KSR2: variants seen among roughly 807,000 people sequenced by gnomAD.
The protein encoded by KSR2 is kinase suppressor of ras 2.
Under a neutral mutation model 107.8 loss-of-function variants are expected in KSR2, and 25 were observed. The ratio of observed to expected loss-of-function variants is 0.23; its 90% confidence interval spans 0.17 to 0.32. The LOEUF is 0.32. Among genes scored for constraint, KSR2 ranks in the 10% least tolerant of loss-of-function variants. KSR2 has a pLI of 1.00. For synonymous variants in KSR2, 480 were observed against 507.0 expected, an observed-to-expected ratio of 0.95 and a Z score of 0.71; for missense variants, 887 against 1,268.9, an observed-to-expected ratio of 0.70 and a Z score of 4.57.
chr12:117,726,791 C>A (rs1887441430), intron 4 of KSR2, among the ~76,000 whole-genome samples: 1 of 152,164 alleles, frequency 6.6e-6, no homozygotes, highest in Non-Finnish European at 1.5e-5. Context: ...CCTAGGGATT[C>A]TCCTAGTAGC....
At chr12:117,888,683 C>G (rs1378135262) in intron 1 of KSR2, among the ~76,000 whole-genome samples, 1 of 152,224 alleles carries the variant, frequency 6.6e-6, no homozygotes, top group Admixed American at 6.5e-5. Context: ...AACCTGGAAC[C>G]TGACCATGCT....
chr12:117,537,072 G>T (rs1464217053), intron 10 of KSR2, among the ~76,000 whole-genome samples: 2 of 152,152 alleles, frequency 1.3e-5, no homozygotes, highest in African/African-American at 4.8e-5. Flanking sequence ...TATTAGCTGA[G>T]TGTGGTGGTG....
At chr12:117,519,694 G>A (rs1279440236) in intron 14 of KSR2, among the ~76,000 whole-genome samples, 3 of 151,962 alleles carry the variant, frequency 2.0e-5, no homozygotes, top group Non-Finnish European at 4.4e-5. Flanking sequence ...TTTCTTTGAG[G>A]GGATGTGGGA....
chr12:117,915,805 AT>A (rs1895154401), intron 1 of KSR2, among the ~76,000 whole-genome samples: 1 of 152,154 alleles, frequency 6.6e-6, no homozygotes, highest in Admixed American at 6.6e-5. Context: ...TTTTTTAAAA[AT>A]TTTAAAAGTT....
At chr12:117,531,579 A>G (rs1875635357) in intron 11 of KSR2, 87 bp downstream of exon 11, 1 of 1,164,278 alleles carries the variant, frequency 8.6e-7, no homozygotes, top group South Asian at 1.3e-5. Flanking sequence ...GCACCCCCAC[A>G]ACATCTGCCT....
At chr12:117,617,694 G>A (rs1209660549) in intron 5 of KSR2, among the ~76,000 whole-genome samples, 1 of 152,224 alleles carries the variant, frequency 6.6e-6, no homozygotes, top group Non-Finnish European at 1.5e-5. Context: ...GGTCTAGGAG[G>A]ATGAAGTGAT....
rs35130903 is a variant in KSR2, at chr12:117,573,524, C to CTTT, written c.1325+5592_1325+5594dup. 1.6e-3 allele frequency among the ~76,000 whole-genome samples: 176 copies of CTTT among 108,298 alleles called. 4 individuals are homozygous for CTTT. The highest frequency in any genetic ancestry group is 3.7e-3 in the African/African-American group (99 of 26,858). The allele number at this position is 108,298 out of a possible 152,430, so 71.0% of individuals were successfully genotyped here. ...AGCCTGTGTTCCTATCACATGTTAT[C>CTTT]TTTTTTTTTTTTTTTTTTTTTGAGA... On this transcript the variant is annotated intron_variant, in intron 7 of 19. Coordinates refer to ENST00000339824, the MANE Select transcript of KSR2 (RefSeq NM_173598.6).
Position 117,525,235 on chromosome 12 carries a change from G to T in KSR2, c.1852-16C>A. 6.4e-7 allele frequency: 1 copy of T among 1,569,334 alleles called. No homozygotes were observed. Among genetic ancestry groups the T allele is most frequent in the Non-Finnish European group, 8.7e-7 (1 of 1,154,316 alleles). Reference sequence around the variant, plus strand: ...CCTCTTCATTCTGTGGCCGGAGTGGGAGAGAGGTCAGAATTGTGTCTGCCA... The same window carrying T: ...CCTCTTCATTCTGTGGCCGGAGTGGTAGAGAGGTCAGAATTGTGTCTGCCA... On this transcript the variant is annotated splice_polypyrimidine_tract_variant and intron_variant, in intron 13 of 19. Coordinates refer to ENST00000339824, the MANE Select transcript of KSR2 (RefSeq NM_173598.6).
intron 4 of KSR2, among the ~76,000 whole-genome samples, chr12:117,753,918 T>A (rs964990467): frequency 4.0e-5 from 6 of 149,982 alleles, no homozygotes; most frequent in Non-Finnish European, 5.9e-5. Flanking sequence ...CAATAATCAA[T>A]CATTACTTTT....
chr12:117,506,837 ATATG>A (rs1041575991), intron 14 of KSR2, among the ~76,000 whole-genome samples: 1 of 152,120 alleles, frequency 6.6e-6, no homozygotes, highest in Non-Finnish European at 1.5e-5. Context: ...ATTTATTTAT[ATATG>A]TATGTGTGTG....
chr12:117,852,341 C>T (rs1892957270), intron 3 of KSR2, among the ~76,000 whole-genome samples: 1 of 151,812 alleles, frequency 6.6e-6, no homozygotes, highest in Non-Finnish European at 1.5e-5. Flanking sequence ...GGCAGGAGAA[C>T]TGTTTGAACC....
intron 1 of KSR2, among the ~76,000 whole-genome samples, chr12:117,875,779 G>C (rs1233897659): frequency 6.6e-6 from 1 of 151,978 alleles, no homozygotes. Context: ...CCACCATCAC[G>C]CCGCCCTGCT....
At chr12:117,732,572 G>A (rs1887775406) in intron 4 of KSR2, among the ~76,000 whole-genome samples, 1 of 152,154 alleles carries the variant, frequency 6.6e-6, no homozygotes, top group Admixed American at 6.5e-5. Context: ...TTACAGGTGT[G>A]AGCCACAGCG....
intron 5 of KSR2, among the ~76,000 whole-genome samples, chr12:117,618,690 C>T (rs1882012317): frequency 6.6e-6 from 1 of 151,998 alleles, no homozygotes; most frequent in Admixed American, 6.6e-5. Context: ...AGGGAAAACC[C>T]CTTTCATTTG....
intron 1 of KSR2, among the ~76,000 whole-genome samples, chr12:117,963,300 C>T (rs1325629775): frequency 1.3e-5 from 2 of 152,182 alleles, no homozygotes; most frequent in Non-Finnish European, 2.9e-5. Context: ...TCCACAAAGC[C>T]TAAACTCTTT....
chr12:117,529,664 G>C (rs2137251401), intron 12 of KSR2, among the ~76,000 whole-genome samples: 1 of 152,048 alleles, frequency 6.6e-6, no homozygotes, highest in South Asian at 2.1e-4. Flanking sequence ...ATAGGAAAAT[G>C]GTTAAGAAAA....
At chr12:117,529,952 C>T (rs557834257) in intron 12 of KSR2, among the ~76,000 whole-genome samples, 1 of 152,244 alleles carries the variant, frequency 6.6e-6, no homozygotes, top group Admixed American at 6.5e-5. Flanking sequence ...GCCCAGGAGG[C>T]TGAGGCTGCA....
chr12:117,527,225 A>T (rs557626281), intron 12 of KSR2, 106 bp from the exon 13 acceptor site: 25 of 766,342 alleles, frequency 3.3e-5, no homozygotes, highest in Non-Finnish European at 5.7e-5. Context: ...TTTACCACCA[A>T]GTCTTTATCT....
intron 8 of KSR2, among the ~76,000 whole-genome samples, chr12:117,556,870 A>T (rs1592989899): frequency 6.6e-6 from 1 of 152,326 alleles, no homozygotes; most frequent in East Asian, 1.9e-4. Flanking sequence ...GCTTACATTT[A>T]AAAATAAGCA....
Sources: allele counts gnomAD v4.1 joint callset (sites outside exome capture counted in the v4.1 genomes callset), GRCh38; gene constraint gnomAD v4.1.1; transcripts MANE v1.5; gene names NCBI Gene and HGNC (gene_info 2026-07-23, HGNC 2026-07-21).